Variants in AUTS2 observed in about 807,000 individuals in gnomAD.
AUTS2 encodes the protein activator of transcription and developmental regulator AUTS2.
A neutral mutation model predicts 112.4 loss-of-function variants in AUTS2; 17 were observed. The ratio of observed to expected loss-of-function variants is 0.15; its 90% CI spans 0.10 to 0.23. The LOEUF is 0.23. Among genes scored for constraint, AUTS2 ranks in the 10% least tolerant of loss-of-function variants. The pLI, the probability that AUTS2 is intolerant of heterozygous loss-of-function variation, is 1.00. For missense variants in AUTS2, 1,510 were observed against 1,701.6 expected (o/e 0.89, Z 1.98); for synonymous variants, 751 against 702.7 (o/e 1.07, Z -1.09).
At chr7:70,402,363 T>C (rs1319449485) in intron 4 of AUTS2, among the ~76,000 whole-genome samples, 1 of 152,190 alleles carries the variant, frequency 6.6e-6, no homozygotes, top group Non-Finnish European at 1.5e-5. Context: ...GCCACTCCAC[T>C]GAAGTGGGGT....
At chr7:70,169,331 C>T (rs1808549365) in intron 4 of AUTS2, among the ~76,000 whole-genome samples, 2 of 152,046 alleles carry the variant, frequency 1.3e-5, no homozygotes, top group Non-Finnish European at 2.9e-5. Context: ...AGCTCTGCTT[C>T]CTGAGTTCAC....
At chr7:69,835,332 G>A (rs1791674651) in intron 1 of AUTS2, among the ~76,000 whole-genome samples, 1 of 151,964 alleles carries the variant, frequency 6.6e-6, no homozygotes, top group Non-Finnish European at 1.5e-5. Context: ...CAAAATCCAT[G>A]GCATATCTGT....
In AUTS2 at chr7:70,487,021, C is replaced by T. The variant is rs1585203857; in HGVS notation, c.690+51240C>T. On this transcript the variant is annotated intron_variant, in intron 5 of 18. Transcript: ENST00000342771. ...ATGGTGGTAAACTGGTGTTTAGGGA[C>T]AGAGCATCCTTGAGTGAGGTTGGCT... is the stretch of plus-strand genomic sequence containing the variant. Among the ~76,000 whole-genome samples, 5 of 151,702 alleles carry T rather than the reference C, an allele frequency of 3.3e-5. No homozygotes were observed. In the South Asian group the frequency reaches 8.3e-4, roughly 25 times the overall value.
intron 1 of AUTS2, among the ~76,000 whole-genome samples, chr7:69,832,332 G>A (rs1285083544): frequency 1.3e-5 from 2 of 152,170 alleles, no homozygotes; most frequent in Non-Finnish European, 2.9e-5. Context: ...GGGTTCTTGG[G>A]AGCCACTGAT....
chr7:69,953,558 T>C (rs1046084980), intron 2 of AUTS2, among the ~76,000 whole-genome samples: 1 of 152,176 alleles, frequency 6.6e-6, no homozygotes, highest in Non-Finnish European at 1.5e-5. Context: ...AAACAGGTTG[T>C]GTTCGGCAGC....
chr7:70,496,318 A>G (rs1394622235), intron 5 of AUTS2, among the ~76,000 whole-genome samples: 2 of 131,626 alleles, frequency 1.5e-5, no homozygotes, highest in Non-Finnish European at 3.2e-5. Flanking sequence ...CCACGTACAC[A>G]GTCACACACA....
chr7:69,878,469 G>A (rs1231563114), intron 1 of AUTS2, among the ~76,000 whole-genome samples: 2 of 152,090 alleles, frequency 1.3e-5, no homozygotes, highest in East Asian at 1.9e-4. Context: ...GGTGGAAAAC[G>A]CCTCCTTGTT....
chr7:70,695,586 G>GC (rs1486276222), intron 5 of AUTS2, among the ~76,000 whole-genome samples: 1 of 152,238 alleles, frequency 6.6e-6, no homozygotes, highest in Non-Finnish European at 1.5e-5. Context: ...GCGGAGGGCG[G>GC]CCCCCGGGGT....
At chr7:69,605,892 A>G (rs1358445306) in intron 1 of AUTS2, among the ~76,000 whole-genome samples, 1 of 152,170 alleles carries the variant, frequency 6.6e-6, no homozygotes, top group Non-Finnish European at 1.5e-5. Context: ...TGTGGTTATG[A>G]ATTCAAGTAT....
intron 5 of AUTS2, among the ~76,000 whole-genome samples, chr7:70,575,672 G>T (rs1332712217): frequency 6.6e-6 from 1 of 152,166 alleles, no homozygotes; most frequent in Non-Finnish European, 1.5e-5. Flanking sequence ...AGGATGCCTG[G>T]CAAAGCTATT....
At chr7:70,687,335 AC>A (rs2129545931) in intron 5 of AUTS2, among the ~76,000 whole-genome samples, 1 of 152,320 alleles carries the variant, frequency 6.6e-6, no homozygotes, top group Admixed American at 6.5e-5. Context: ...AAGATGAGAT[AC>A]CTACAGCCAA....
intron 5 of AUTS2, among the ~76,000 whole-genome samples, chr7:70,592,022 T>A (rs1174252416): frequency 6.6e-6 from 1 of 152,210 alleles, no homozygotes; most frequent in African/African-American, 2.4e-5. Context: ...AAATGCAATA[T>A]ATGCTCAATA....
intron 4 of AUTS2, among the ~76,000 whole-genome samples, chr7:70,266,425 C>T (rs1373601210): frequency 6.6e-6 from 1 of 152,072 alleles, no homozygotes; most frequent in East Asian, 1.9e-4. Context: ...ATGAAATGTT[C>T]TGGAATCAGA....
intron 17 of AUTS2, chr7:70,786,918 G>T: frequency 2.1e-6 from 1 of 471,876 alleles, no homozygotes; most frequent in Non-Finnish European, 3.9e-6. Context: ...CACCAGATAC[G>T]TTGAATTAGG....
intron 6 of AUTS2, among the ~76,000 whole-genome samples, chr7:70,701,695 C>A (rs896089443): frequency 6.6e-6 from 1 of 152,070 alleles, no homozygotes; most frequent in Non-Finnish European, 1.5e-5. Context: ...CTGAGCATTT[C>A]GAAAGGGGTG....
chr7:69,996,633 C>T (rs1481753939), intron 2 of AUTS2, among the ~76,000 whole-genome samples: 2 of 152,110 alleles, frequency 1.3e-5, no homozygotes, highest in Admixed American at 6.6e-5. Context: ...CTCGCCCACC[C>T]GCTTCCCTTT....
intron 1 of AUTS2, among the ~76,000 whole-genome samples, chr7:69,692,495 A>G (rs966548904): frequency 2.6e-5 from 4 of 152,252 alleles, no homozygotes; most frequent in Admixed American, 1.3e-4. Context: ...TCAAATATAC[A>G]GTTCAGTAGC....
chr7:70,299,777 G>A (rs963230958), intron 4 of AUTS2, among the ~76,000 whole-genome samples: 4 of 151,660 alleles, frequency 2.6e-5, no homozygotes, highest in Non-Finnish European at 2.9e-5. Flanking sequence ...CTATAGAATC[G>A]GTATGTCCCA....
At position 69,690,925 on chromosome 7, in the gene AUTS2, AG is replaced by A. The variant is rs140726257; in HGVS notation, c.309+90965del. ...TCATTTAAGTGACAGAAGAGCTCTT[AG>A]GAGATCAGAAGTGGGTAGCTCCCTT... On this transcript the variant is annotated intron_variant, in intron 1 of 18. Coordinates refer to ENST00000342771, the MANE Select transcript of AUTS2 (RefSeq NM_015570.4). 9.7e-3 allele frequency among the ~76,000 whole-genome samples: 1,474 copies of A among 152,268 alleles called. 30 individuals carry two copies. Among genetic ancestry groups the A allele is most frequent in the African/African-American group, 0.034 (1,414 of 41,554 alleles).
Sources: gnomAD v4.1 joint callset for allele counts (sites outside exome capture counted in the v4.1 genomes callset) on GRCh38, gnomAD v4.1.1 for gene constraint, MANE v1.5 for transcripts, NCBI Gene and HGNC (gene_info 2026-07-23, HGNC 2026-07-21) for gene names.